The following RNF220 variants were observed in gnomAD, a reference collection of about 807,000 sequenced individuals.
RNF220 encodes the protein ring finger protein 220.
In RNF220, 7 loss-of-function variants were observed where a neutral mutation model predicts 67.1. The ratio of observed to expected loss-of-function variants is 0.10; its 90% CI spans 0.06 to 0.20. The LOEUF is 0.20. RNF220 is among the 10% of genes least tolerant of loss of function. RNF220 has a pLI of 1.00. For missense variants in RNF220, 565 were observed against 740.3 expected (o/e 0.76, Z 2.75); for synonymous variants, 270 against 283.2 (o/e 0.95, Z 0.47).
chr1:44,576,830 G>T (rs1199328209), intron 2 of RNF220, among the ~76,000 whole-genome samples: 1 of 152,128 alleles, frequency 6.6e-6, no homozygotes, highest in East Asian at 1.9e-4. Flanking sequence ...GTTGGGCTGG[G>T]CCAAGCTGAA....
intron 5 of RNF220, among the ~76,000 whole-genome samples, chr1:44,630,001 G>A (rs1230387188): frequency 3.3e-5 from 5 of 152,218 alleles, no homozygotes; most frequent in Admixed American, 1.3e-4. Flanking sequence ...CCCATCCCTT[G>A]CTCTTTACAC....
At chr1:44,571,106 TA>T (rs1237959387) in intron 2 of RNF220, among the ~76,000 whole-genome samples, 1 of 152,090 alleles carries the variant, frequency 6.6e-6, no homozygotes, top group East Asian at 1.9e-4. Flanking sequence ...CAGATTATAT[TA>T]CTGCTCTGCT....
At chr1:44,531,263 C>T (rs1044055830) in intron 2 of RNF220, among the ~76,000 whole-genome samples, 3 of 152,240 alleles carry the variant, frequency 2.0e-5, no homozygotes, top group African/African-American at 7.2e-5. Context: ...ACTATTTCTT[C>T]TGTCCCATTT....
chr1:44,597,472 A>T (rs1327286798), intron 2 of RNF220, among the ~76,000 whole-genome samples: 1 of 8,352 alleles, frequency 1.2e-4, no homozygotes, highest in South Asian at 1.8e-3. Context: ...TCTCATGCAC[A>T]CACACACACA....
chr1:44,644,619 C>A (rs1644582784), intron 8 of RNF220, 79 bp from the exon 9 acceptor site: 1 of 1,118,956 alleles, frequency 8.9e-7, no homozygotes, highest in Non-Finnish European at 1.4e-6. Flanking sequence ...CAAAGCCTAA[C>A]CCCTACCTGG....
intron 2 of RNF220, among the ~76,000 whole-genome samples, chr1:44,441,935 G>A (rs1651602291): frequency 6.6e-6 from 1 of 152,132 alleles, no homozygotes; most frequent in South Asian, 2.1e-4. Flanking sequence ...ATTTTAAGAG[G>A]AATAAGTTAT....
chr1:44,594,585 C>T (rs150921099), intron 2 of RNF220, among the ~76,000 whole-genome samples: 6 of 152,286 alleles, frequency 3.9e-5, no homozygotes, highest in African/African-American at 1.2e-4. Flanking sequence ...AGAGCCTGAT[C>T]CAGGCATGTG....
chr1:44,471,087 T>G (rs1654763367), intron 2 of RNF220, among the ~76,000 whole-genome samples: 1 of 151,734 alleles, frequency 6.6e-6, no homozygotes, highest in African/African-American at 2.4e-5. Context: ...TGAGACCCTA[T>G]CTCAAAAAAA....
At chr1:44,514,936 A>G (rs981352089) in intron 2 of RNF220, among the ~76,000 whole-genome samples, 1 of 152,172 alleles carries the variant, frequency 6.6e-6, no homozygotes, top group African/African-American at 2.4e-5. Flanking sequence ...GTCAAGAAGC[A>G]AAGGGGTAGG....
chr1:44,503,542 T>G (rs986610479), intron 2 of RNF220, among the ~76,000 whole-genome samples: 3 of 152,156 alleles, frequency 2.0e-5, no homozygotes, highest in African/African-American at 7.2e-5. Flanking sequence ...AGTATTTTGC[T>G]GGTTTACTTG....
intron 2 of RNF220, among the ~76,000 whole-genome samples, chr1:44,449,789 A>G (rs1047491402): frequency 6.6e-6 from 1 of 152,192 alleles, no homozygotes; most frequent in African/African-American, 2.4e-5. Context: ...AATACCTAAC[A>G]CATTGCTAGG....
At position 44,645,387 on chromosome 1, in the gene RNF220, G is replaced by A. The variant is rs183662127; in HGVS notation, c.1367-23G>A. The A allele has an allele frequency of 4.8e-4, 776 of 1,614,062 alleles. 5 individuals carry two copies. In the African/African-American group the frequency reaches 9.4e-3, roughly 19 times the overall value. ...GTGCTGCCCAGTCTGGCCGGAGTGT[G>A]AGTTGCCCCTCTGTCCCAGCAGAGA... On this transcript the variant is annotated intron_variant, in intron 11 of 14. Transcript: ENST00000361799. This position sits in a 1 kb window ranked among gnomAD's most constrained non-coding sequence, Gnocchi z 5.0.
chr1:44,634,898 C>T (rs574685221), intron 6 of RNF220, among the ~76,000 whole-genome samples: 1 of 152,276 alleles, frequency 6.6e-6, no homozygotes, highest in East Asian at 1.9e-4. Context: ...TAAGGGCTGC[C>T]TTCTCAGGGT....
chr1:44,539,091 G>A (rs1459590166), intron 2 of RNF220, among the ~76,000 whole-genome samples: 1 of 151,748 alleles, frequency 6.6e-6, no homozygotes, highest in Admixed American at 6.6e-5. Context: ...CATGGTTGTG[G>A]GCACCTGTAA....
chr1:44,632,345 C>T lies in RNF220; in HGVS notation c.909C>T (p.Thr303=), dbSNP rs752360152. ...DDLHHSDRYQ[T]FLRVRANRQT... is the part of the protein sequence containing the mutation. ...ATCTGCCCGCGATCTTCTCCCAGAC[C>T]TTTCTGCGAGTACGAGCCAACCGGC... is the stretch of plus-strand genomic sequence containing the variant. The change falls in exon 6 of 15, where the codon ACC becomes ACT. Residue 303 remains threonine (T), a splice_region_variant and synonymous_variant. Coordinates refer to ENST00000361799, the MANE Select transcript of RNF220 (RefSeq NM_018150.4). 3.0e-5 allele frequency: 49 copies of T among 1,614,096 alleles called. No homozygotes were observed. The Admixed American group carries it at 5.3e-4, about 18-fold the overall frequency.
chr1:44,488,946 G>A (rs1219662009), intron 2 of RNF220, among the ~76,000 whole-genome samples: 1 of 152,090 alleles, frequency 6.6e-6, no homozygotes, highest in African/African-American at 2.4e-5. Flanking sequence ...GGCCAGGCCA[G>A]TCTCTAACTC....
intron 2 of RNF220, among the ~76,000 whole-genome samples, chr1:44,502,046 C>T (rs1274452753): frequency 7.9e-6 from 1 of 127,380 alleles, no homozygotes; most frequent in Non-Finnish European, 1.6e-5. Flanking sequence ...GACTTCACAC[C>T]ACTGAAACAC....
intron 2 of RNF220, among the ~76,000 whole-genome samples, chr1:44,526,823 G>A (rs375693807): frequency 3.9e-5 from 6 of 152,096 alleles, no homozygotes; most frequent in African/African-American, 1.4e-4. Context: ...CTCCCATTCA[G>A]TCAGCCCATT....
At chr1:44,460,093 C>A (rs1002811174) in intron 2 of RNF220, among the ~76,000 whole-genome samples, 1 of 152,132 alleles carries the variant, frequency 6.6e-6, no homozygotes, top group Non-Finnish European at 1.5e-5. Flanking sequence ...TAGCTTAATC[C>A]CAACGGGAAA....
Sources: gnomAD v4.1 joint callset for allele counts (sites outside exome capture counted in the v4.1 genomes callset) on GRCh38, gnomAD v4.1.1 for gene constraint, Gnocchi (gnomAD v3.1) non-coding constraint, MANE v1.5 for transcripts, NCBI Gene and HGNC (gene_info 2026-07-23, HGNC 2026-07-21) for gene names.